The following CSMD1 variants were observed in gnomAD, a reference collection of about 807,000 sequenced individuals.
CSMD1 encodes the protein CUB and sushi domain-containing protein 1.
A neutral mutation model predicts 417.5 loss-of-function variants in CSMD1; 213 were observed. That is an observed-to-expected ratio of 0.51 (90% CI 0.46 to 0.57). The LOEUF (loss-of-function observed/expected upper bound fraction) is 0.57. CSMD1 is among the 20% of genes least tolerant of loss of function. CSMD1 has a pLI of 0.00. For missense variants in CSMD1, 6,923 were observed against 4,529.7 expected (o/e 1.53, Z -15.17); for synonymous variants, 2,862 against 1,736.8 (o/e 1.65, Z -16.11).
At chr8:3,849,441 T>C (rs1803732347) in intron 5 of CSMD1, among the ~76,000 whole-genome samples, 2 of 152,178 alleles carry the variant, frequency 1.3e-5, no homozygotes, top group Non-Finnish European at 2.9e-5. Context: ...AAAGTAACCC[T>C]GCTCCTTCTG....
At chr8:3,184,592 A>G (rs529663295) in intron 36 of CSMD1, among the ~76,000 whole-genome samples, 1 of 152,338 alleles carries the variant, frequency 6.6e-6, no homozygotes, top group Admixed American at 6.5e-5. Context: ...ACACAAAATA[A>G]CCTGCTTACA....
chr8:4,753,330 C>T (rs1453483353), intron 1 of CSMD1, among the ~76,000 whole-genome samples: 1 of 151,798 alleles, frequency 6.6e-6, no homozygotes, highest in Non-Finnish European at 1.5e-5. Context: ...ATAAAAGGGG[C>T]TAGCACTGTC....
intron 1 of CSMD1, among the ~76,000 whole-genome samples, chr8:4,834,184 AATCTGTAATTTTAG>A (rs1352809725): frequency 3.9e-5 from 6 of 152,228 alleles, no homozygotes; most frequent in Non-Finnish European, 7.3e-5. Flanking sequence ...GTCAGGTTTA[AATCTGTAATTTTAG>A]AAGACAATAC....
chr8:4,988,670 A>G (rs1047052802), intron 1 of CSMD1, among the ~76,000 whole-genome samples: 3 of 152,232 alleles, frequency 2.0e-5, no homozygotes, highest in African/African-American at 2.4e-5. Flanking sequence ...AAGATATTTG[A>G]AGATAAATAA....
chr8:3,351,938 T>A (rs963618463), intron 21 of CSMD1, among the ~76,000 whole-genome samples: 2 of 152,180 alleles, frequency 1.3e-5, no homozygotes, highest in African/African-American at 4.8e-5. Context: ...AGCCGTTATT[T>A]GTGTTTGAGT....
rs138463322 is a variant in CSMD1, at chr8:3,021,247, C to T, written c.7856-2597G>A. On this transcript the variant is annotated intron_variant, in intron 51 of 69. Transcript: ENST00000635120. ...AAACTATTTTAAGTTTGTCCTCTAA[C>T]AAGATTTACTCAATTGTAAAGAAGA... 7.6e-4 allele frequency among the ~76,000 whole-genome samples: 116 copies of T among 152,294 alleles called. 1 individual carries two copies. The East Asian group carries it at 0.014, about 19-fold the overall frequency.
At chr8:4,178,478 T>A (rs1038302113) in intron 3 of CSMD1, among the ~76,000 whole-genome samples, 4 of 151,314 alleles carry the variant, frequency 2.6e-5, no homozygotes, top group Non-Finnish European at 5.9e-5. Flanking sequence ...AATATCATAC[T>A]GAATGGGCAA....
At chr8:3,876,885 G>T (rs1042719141) in intron 5 of CSMD1, among the ~76,000 whole-genome samples, 1 of 152,174 alleles carries the variant, frequency 6.6e-6, no homozygotes, top group African/African-American at 2.4e-5. Context: ...ATCATGCGTG[G>T]GATTACAGGC....
At chr8:3,470,159 A>C (rs1349636426) in intron 11 of CSMD1, among the ~76,000 whole-genome samples, 1 of 152,126 alleles carries the variant, frequency 6.6e-6, no homozygotes, top group African/African-American at 2.4e-5. Flanking sequence ...CCAAACTATC[A>C]GTTTTACATC....
At position 3,998,073 on chromosome 8, in the gene CSMD1, G is replaced by A; in HGVS notation, c.648C>T (p.Ser216=). The A allele has an allele frequency of 6.3e-7, 1 of 1,588,028 alleles. No individual in the cohort carries two copies. Among genetic ancestry groups the A allele is most frequent in the Non-Finnish European group, 8.6e-7 (1 of 1,166,358 alleles). Residue 216 remains serine (S), a synonymous_variant, in exon 5 of 70, where the codon AGC becomes AGT. Transcript: ENST00000635120. Reference sequence around the variant, plus strand: ...GGAAGTGCGGGCTGGAGATGGAGCTGCTGGTCCCGCGTAAGGTTCCTCCGC... The same window carrying A: ...GGAAGTGCGGGCTGGAGATGGAGCTACTGGTCCCGCGTAAGGTTCCTCCGC... ...GACGGTLRGT[S]SSISSPHFPS... is the part of the protein sequence containing the mutation.
rs143002313 is a variant in CSMD1 at position 3,780,119 on chromosome 8, G to A, written c.819-26077C>T. On this transcript the variant is annotated intron_variant, in intron 5 of 69. Coordinates refer to ENST00000635120, the MANE Select transcript of CSMD1 (RefSeq NM_033225.6). ...GTCGGTGTTGCATTAGAAGGCTTGC[G>A]CTGATATAAACCTGTGCCATCGGGG... Among the ~76,000 whole-genome samples the A allele has an allele frequency of 6.6e-5, 10 of 152,236 alleles. No homozygotes were observed. The East Asian group carries it at 1.3e-3, about 21-fold the overall frequency.
chr8:3,924,037 C>T (rs149645497), intron 5 of CSMD1, among the ~76,000 whole-genome samples: 1 of 152,268 alleles, frequency 6.6e-6, no homozygotes, highest in East Asian at 1.9e-4. Context: ...CCTTTCATTT[C>T]AATTTGAAGG....
intron 3 of CSMD1, among the ~76,000 whole-genome samples, chr8:4,331,099 A>T (rs999508601): frequency 3.3e-5 from 5 of 152,192 alleles, no homozygotes; most frequent in African/African-American, 1.2e-4. Flanking sequence ...AACTACATAT[A>T]ATAGCAAAAT....
chr8:4,211,812 T>G (rs1800328836), intron 3 of CSMD1, among the ~76,000 whole-genome samples: 1 of 152,178 alleles, frequency 6.6e-6, no homozygotes, highest in South Asian at 2.1e-4. Flanking sequence ...GGACTTTAGA[T>G]GATAATTTTT....
intron 3 of CSMD1, among the ~76,000 whole-genome samples, chr8:4,055,040 A>G (rs1434300361): frequency 6.6e-6 from 1 of 152,210 alleles, no homozygotes; most frequent in African/African-American, 2.4e-5. Context: ...ACAAACTTAC[A>G]TGAATATACT....
chr8:4,464,894 G>A (rs1029083650), intron 2 of CSMD1, among the ~76,000 whole-genome samples: 4 of 152,036 alleles, frequency 2.6e-5, no homozygotes, highest in African/African-American at 9.7e-5. Context: ...GTTTTTATTA[G>A]TTTTATTAGC....
chr8:3,219,115 C>A, intron 29 of CSMD1, 140 bp downstream of exon 29: 1 of 622,716 alleles, frequency 1.6e-6, no homozygotes, highest in Non-Finnish European at 2.7e-6. Flanking sequence ...AGGGAGGAGA[C>A]ATGTATCTTC....
At chr8:4,698,232 A>C (rs1346534066) in intron 1 of CSMD1, among the ~76,000 whole-genome samples, 1 of 150,978 alleles carries the variant, frequency 6.6e-6, no homozygotes, top group Non-Finnish European at 1.5e-5. Flanking sequence ...CTGGTTCTTC[A>C]TCAGTATTAA....
intron 1 of CSMD1, among the ~76,000 whole-genome samples, chr8:4,942,034 A>T (rs1224495830): frequency 6.6e-6 from 1 of 152,220 alleles, no homozygotes; most frequent in East Asian, 1.9e-4. Context: ...TACCCTGGGT[A>T]AATGGGATTG....
Sources: allele counts gnomAD v4.1 joint callset (sites outside exome capture counted in the v4.1 genomes callset), GRCh38; gene constraint gnomAD v4.1.1; transcripts MANE v1.5; gene names NCBI Gene and HGNC (gene_info 2026-07-23, HGNC 2026-07-21).